CDC42: variants seen among roughly 807,000 people sequenced by gnomAD.
CDC42 encodes the protein cell division control protein 42 homolog.
A neutral mutation model predicts 20.8 loss-of-function variants in CDC42; 1 was observed. The observed-to-expected ratio is 0.05, with a 90% CI of 0.02 to 0.23. The LOEUF (loss-of-function observed/expected upper bound fraction) is 0.23. Among genes scored for constraint, CDC42 ranks in the 10% least tolerant of loss-of-function variants. The pLI, the probability that CDC42 is intolerant of heterozygous loss-of-function variation, is 1.00. For synonymous variants in CDC42, 72 were observed against 84.8 expected (o/e 0.85, Z 0.83); for missense variants, 49 against 227.9 (o/e 0.21, Z 5.05).
intron 1 of CDC42, among the ~76,000 whole-genome samples, chr1:22,054,258 C>G (rs927022378): frequency 1.3e-5 from 2 of 152,182 alleles, no homozygotes; most frequent in East Asian, 3.9e-4. Flanking sequence ...ATTGCACTCC[C>G]AGGCTGCAGT....
intron 1 of CDC42, among the ~76,000 whole-genome samples, chr1:22,069,248 T>C (rs1037322725): frequency 1.1e-4 from 17 of 148,058 alleles, no homozygotes; most frequent in Non-Finnish European, 2.2e-4. Context: ...CAATCACGGC[T>C]CATTGCAACC....
In CDC42 at chr1:22,100,020, C is replaced by A; in HGVS notation, c.*8503C>A. On this transcript the variant is annotated 3_prime_UTR_variant, in exon 6 of 6. Transcript: ENST00000656825. ...AGCTGGCCTTTTTTTCTTTCTTCTT[C>A]TTCTTCTTCTTTTTTTTTTTTTTTG... Among the ~76,000 whole-genome samples, 1 of 27,602 alleles carries A rather than the reference C, an allele frequency of 3.6e-5. No homozygotes were observed. The highest frequency in any genetic ancestry group is 1.5e-4 in the African/African-American group (1 of 6,474). 18.1% of individuals were successfully genotyped at this position (27,602 alleles called of 152,430 possible).
In CDC42 at chr1:22,096,936, CA is replaced by C. The variant is rs1340944130; in HGVS notation, c.*5421del. Reference sequence around the variant, plus strand: ...GTGCACAACTTGGACAGTTCATACACAATGTTGTATTGAGATGATTGTTATT... The same window carrying C: ...GTGCACAACTTGGACAGTTCATACACATGTTGTATTGAGATGATTGTTATT... On this transcript the variant is annotated 3_prime_UTR_variant, in exon 6 of 6. Coordinates refer to ENST00000656825, the MANE Select transcript of CDC42 (RefSeq NM_001791.4). Among the ~76,000 whole-genome samples, 1 of 152,198 alleles carries C rather than the reference CA, an allele frequency of 6.6e-6. No individual in the cohort carries two copies. The highest frequency in any genetic ancestry group is 1.5e-5 in the Non-Finnish European group (1 of 68,028).
intron 1 of CDC42, among the ~76,000 whole-genome samples, chr1:22,067,236 C>A (rs1371909977): frequency 6.6e-6 from 1 of 152,204 alleles, no homozygotes; most frequent in Non-Finnish European, 1.5e-5. Flanking sequence ...TATCACAGTT[C>A]TGCATCCTGG....
chr1:22,066,301 G>A (rs942097922), intron 1 of CDC42, among the ~76,000 whole-genome samples: 3 of 152,042 alleles, frequency 2.0e-5, no homozygotes, highest in Non-Finnish European at 4.4e-5. Flanking sequence ...CTTGAGCGTG[G>A]GAGGCAGACG....
intron 2 of CDC42, among the ~76,000 whole-genome samples, chr1:22,080,570 T>C (rs1403361296): frequency 1.3e-5 from 2 of 151,894 alleles, no homozygotes; most frequent in African/African-American, 4.8e-5. Flanking sequence ...AAAGCTTTGC[T>C]TTTCTTTTTA....
At chr1:22,089,972 T>C (rs1645699604) in intron 5 of CDC42, 4 of 1,613,934 alleles carry the variant, frequency 2.5e-6, no homozygotes, top group Non-Finnish European at 8.5e-7. Flanking sequence ...TTGATGAGGC[T>C]ATCCTAGCTG....
chr1:22,091,383 TACTGAAAATCAG>T, intron 5 of CDC42, 33 bp from the exon 6 acceptor site: 1 of 1,223,412 alleles, frequency 8.2e-7, no homozygotes, highest in Non-Finnish European at 1.2e-6. Flanking sequence ...AACTTTATTA[TACTGAAAATCAG>T]ACCGCCCATT....
chr1:22,065,714 G>A (rs925886632), intron 1 of CDC42, among the ~76,000 whole-genome samples: 2 of 150,658 alleles, frequency 1.3e-5, no homozygotes, highest in African/African-American at 4.9e-5. Flanking sequence ...ACACATTGAG[G>A]TGGAGCTAAG....
intron 1 of CDC42, among the ~76,000 whole-genome samples, chr1:22,053,602 C>CT (rs1378012101): frequency 6.6e-6 from 1 of 152,158 alleles, no homozygotes; most frequent in East Asian, 1.9e-4. Context: ...TTTTCCTCCC[C>CT]TTTAAGTCCA....
chr1:22,065,676 T>C (rs1645414700), intron 1 of CDC42, among the ~76,000 whole-genome samples: 1 of 149,482 alleles, frequency 6.7e-6, no homozygotes, highest in Non-Finnish European at 1.5e-5. Context: ...AGTTAAGGCA[T>C]AGAAGTGAAG....
chr1:22,098,940 G>A lies in CDC42; in HGVS notation c.*7423G>A, dbSNP rs577345228. Reference sequence around the variant, plus strand: ...CGCCTGGCTCATTTTTGCATTTTGTGTAGAGAGGGGGTTTTGCCATTTTAC... The same window carrying A: ...CGCCTGGCTCATTTTTGCATTTTGTATAGAGAGGGGGTTTTGCCATTTTAC... On this transcript the variant is annotated 3_prime_UTR_variant, in exon 6 of 6. Coordinates refer to ENST00000656825, the MANE Select transcript of CDC42 (RefSeq NM_001791.4). Among the ~76,000 whole-genome samples the A allele has an allele frequency of 4.6e-5, 7 of 152,246 alleles. No individual in the cohort carries two copies. The highest frequency in any genetic ancestry group is 1.7e-4 in the African/African-American group (7 of 41,550).
intron 1 of CDC42, among the ~76,000 whole-genome samples, chr1:22,064,883 G>T (rs570061645): frequency 6.6e-6 from 1 of 152,212 alleles, no homozygotes; most frequent in East Asian, 1.9e-4. Flanking sequence ...CACCATGTTG[G>T]TCAGGCTGGT....
chr1:22,072,188 C>T (rs943715787), intron 1 of CDC42, among the ~76,000 whole-genome samples: 8 of 149,336 alleles, frequency 5.4e-5, no homozygotes, highest in African/African-American at 2.0e-4. Context: ...AGCTCTGCCT[C>T]CCAGGTTCAT....
At chr1:22,075,902 A>G (rs909102355) in intron 1 of CDC42, among the ~76,000 whole-genome samples, 1 of 152,198 alleles carries the variant, frequency 6.6e-6, no homozygotes, top group Non-Finnish European at 1.5e-5. Context: ...TAAGAAGTGG[A>G]AGATTTGTGG....
At chr1:22,053,968 A>G (rs941002516) in intron 1 of CDC42, among the ~76,000 whole-genome samples, 1 of 152,148 alleles carries the variant, frequency 6.6e-6, no homozygotes, top group Admixed American at 6.5e-5. Context: ...TTGTGGGAAC[A>G]CTTTTCGGTC....
intron 1 of CDC42, among the ~76,000 whole-genome samples, chr1:22,062,619 C>T (rs1645378155): frequency 6.6e-6 from 1 of 151,084 alleles, no homozygotes; most frequent in East Asian, 1.9e-4. Flanking sequence ...TATGGTGGCT[C>T]ATGCCTGTAA....
intron 3 of CDC42, among the ~76,000 whole-genome samples, chr1:22,085,411 T>C (rs1000130604): frequency 2.6e-5 from 4 of 152,160 alleles, no homozygotes; most frequent in Non-Finnish European, 5.9e-5. Flanking sequence ...TTTATTCTTT[T>C]TCAAGATTAT....
intron 5 of CDC42, among the ~76,000 whole-genome samples, chr1:22,088,028 G>T (rs1322501689): frequency 1.3e-5 from 2 of 152,052 alleles, no homozygotes; most frequent in South Asian, 2.1e-4. Flanking sequence ...TCTAATCCTC[G>T]TTTTTTTGGG....
Sources: gnomAD v4.1 joint callset for allele counts (sites outside exome capture counted in the v4.1 genomes callset) on GRCh38, gnomAD v4.1.1 for gene constraint, MANE v1.5 for transcripts, NCBI Gene and HGNC (gene_info 2026-07-23, HGNC 2026-07-21) for gene names.